DOCK2: variants seen among roughly 807,000 people sequenced by gnomAD.
The protein encoded by DOCK2 is dedicator of cytokinesis 2.
Under a neutral mutation model 248.9 loss-of-function variants are expected in DOCK2, and 87 were observed. The observed-to-expected ratio is 0.35, with a 90% CI of 0.29 to 0.42. The LOEUF (loss-of-function observed/expected upper bound fraction) is 0.42, where lower values mean the gene tolerates loss of function less well. DOCK2 is among the 10% of genes least tolerant of loss of function. The pLI, the probability that DOCK2 is intolerant of heterozygous loss-of-function variation, is 1.00. For missense variants in DOCK2, 1,747 were observed against 2,300.2 expected, an observed-to-expected ratio of 0.76 and a Z score of 4.92; for synonymous variants, 805 against 821.6, an observed-to-expected ratio of 0.98 and a Z score of 0.35.
intron 26 of DOCK2, among the ~76,000 whole-genome samples, chr5:169,833,687 G>A (rs879883463): frequency 2.6e-5 from 4 of 152,140 alleles, no homozygotes; most frequent in Non-Finnish European, 5.9e-5. Flanking sequence ...GAAAGTGTGG[G>A]CAGTGATACC....
chr5:169,820,561 G>C (rs1171240884), intron 26 of DOCK2, among the ~76,000 whole-genome samples: 2 of 139,694 alleles, frequency 1.4e-5, no homozygotes, highest in African/African-American at 6.2e-5. Context: ...TGAGGGTCCT[G>C]ACTGTTAAAA....
At chr5:169,936,815 A>G (rs1293408450) in intron 27 of DOCK2, among the ~76,000 whole-genome samples, 1 of 152,182 alleles carries the variant, frequency 6.6e-6, no homozygotes, top group Non-Finnish European at 1.5e-5. Flanking sequence ...TAAATTAGCT[A>G]AATTGACAAA....
At chr5:169,888,313 G>T (rs1436049606) in intron 27 of DOCK2, among the ~76,000 whole-genome samples, 1 of 152,146 alleles carries the variant, frequency 6.6e-6, no homozygotes, top group Non-Finnish European at 1.5e-5. Flanking sequence ...GGTGGTTAGG[G>T]CTAAATTAAT....
chr5:169,734,679 C>T (rs1461372879), intron 22 of DOCK2, among the ~76,000 whole-genome samples: 2 of 152,182 alleles, frequency 1.3e-5, no homozygotes, highest in Admixed American at 1.3e-4. Flanking sequence ...GATATGTTTG[C>T]GTTTTTCTTC....
At chr5:169,968,383 A>G (rs920261041) in intron 27 of DOCK2, among the ~76,000 whole-genome samples, 2 of 152,152 alleles carry the variant, frequency 1.3e-5, no homozygotes, top group Non-Finnish European at 2.9e-5. Context: ...AGTGCTTTCT[A>G]TGTGTCAGGC....
intron 27 of DOCK2, among the ~76,000 whole-genome samples, chr5:169,853,320 G>A (rs1770711608): frequency 6.6e-6 from 1 of 152,178 alleles, no homozygotes. Flanking sequence ...AATCCTGTTG[G>A]AACAACTGCT....
At position 169,716,078 on chromosome 5, in the gene DOCK2, A is replaced by G. The variant is rs1031252421; in HGVS notation, c.1942-135A>G. 6 of 767,712 alleles carry G rather than the reference A, an allele frequency of 7.8e-6. No homozygotes were observed. In the African/African-American group the frequency reaches 1.0e-4, roughly 13 times the overall value. The allele number at this position is 767,712 out of a possible 1,614,324, so 47.6% of individuals were successfully genotyped here. ...ACTTCTGGCTCTCGTGAGTAAAACT[A>G]CTCTAGACGTTTTGAGCATGACATG... On this transcript the variant is annotated intron_variant, in intron 19 of 51. Coordinates refer to ENST00000520908, the MANE Select transcript of DOCK2 (RefSeq NM_004946.3).
chr5:169,756,354 T>G (rs990403682), intron 23 of DOCK2, among the ~76,000 whole-genome samples: 1 of 152,226 alleles, frequency 6.6e-6, no homozygotes, highest in African/African-American at 2.4e-5. Context: ...GACACTGAAG[T>G]CCTGCCTTTC....
intron 27 of DOCK2, among the ~76,000 whole-genome samples, chr5:169,885,873 C>CA (rs55747999): frequency 0.38 from 58,058 of 151,996 alleles, 11,957 homozygotes; most frequent in Non-Finnish European, 0.46. Flanking sequence ...TTAATCCTTA[C>CA]AAAAAATCCA....
Position 169,698,386 on chromosome 5 carries a change from C to A in DOCK2, c.992C>A (p.Thr331Lys), listed in dbSNP as rs149096712. The A allele has an allele frequency of 6.2e-7, 1 of 1,614,004 alleles. No individual in the cohort carries two copies. Among genetic ancestry groups the A allele is most frequent in the Non-Finnish European group, 8.5e-7 (1 of 1,179,876 alleles). ...GTCTTCTTTCTAGTTATGGATATAA[C>A]AGACATCATCAAGGGGAAAGCAGAG... is the stretch of plus-strand genomic sequence containing the variant. The part of the protein sequence containing the change: ...RPFGVAVMDI[T>K]DIIKGKAESD... The change falls in exon 11 of 52, where the codon ACA (threonine) becomes AAA (lysine). Residue 331 changes from threonine to lysine, a missense_variant. Thr to Lys is a moderately conservative substitution (Grantham distance 78). This residue lies in a region of DOCK2 where 375 missense variants were observed against 510.9 expected (regional missense o/e 0.73). Coordinates refer to ENST00000520908, the MANE Select transcript of DOCK2 (RefSeq NM_004946.3).
At chr5:169,782,743 C>T (rs1174699760) in intron 25 of DOCK2, among the ~76,000 whole-genome samples, 1 of 152,166 alleles carries the variant, frequency 6.6e-6, no homozygotes, top group Admixed American at 6.5e-5. Context: ...GGATTTCATC[C>T]ACTCTGCTGG....
intron 2 of DOCK2, among the ~76,000 whole-genome samples, chr5:169,663,033 A>G (rs999600457): frequency 1.3e-5 from 2 of 152,224 alleles, no homozygotes; most frequent in Admixed American, 6.5e-5. Flanking sequence ...ACAACAAGTC[A>G]GTTACTTCCA....
intron 22 of DOCK2, among the ~76,000 whole-genome samples, chr5:169,719,776 T>G (rs1762094550): frequency 6.6e-6 from 1 of 152,194 alleles, no homozygotes; most frequent in South Asian, 2.1e-4. Flanking sequence ...AAGAACTGTT[T>G]TGGGTCTTGT....
At chr5:169,868,060 T>C (rs1280159466) in intron 27 of DOCK2, among the ~76,000 whole-genome samples, 3 of 152,162 alleles carry the variant, frequency 2.0e-5, no homozygotes, top group Non-Finnish European at 4.4e-5. Flanking sequence ...GAGTACCAGA[T>C]AGAGCCAAAG....
intron 38 of DOCK2, among the ~76,000 whole-genome samples, chr5:170,043,453 C>T (rs1287605316): frequency 6.6e-6 from 1 of 152,224 alleles, no homozygotes; most frequent in Non-Finnish European, 1.5e-5. Context: ...TTACCTGCAG[C>T]CCTCCCTCTC....
intron 6 of DOCK2, among the ~76,000 whole-genome samples, chr5:169,677,869 G>T (rs1759421624): frequency 6.6e-6 from 1 of 152,188 alleles, no homozygotes; most frequent in Admixed American, 6.5e-5. Context: ...GAGGGCAGGG[G>T]TTTCAAAAAG....
chr5:169,772,155 AG>A (rs940080185), intron 25 of DOCK2, among the ~76,000 whole-genome samples: 1 of 152,186 alleles, frequency 6.6e-6, no homozygotes, highest in Non-Finnish European at 1.5e-5. Flanking sequence ...CACAACATGC[AG>A]GTTCTCTGTG....
rs1040168690 is a variant in DOCK2 at position 169,983,148 on chromosome 5, G to A, written c.2880G>A (p.Gln960=). 2 of 1,613,948 alleles carry A rather than the reference G, an allele frequency of 1.2e-6. No homozygotes were observed. Among genetic ancestry groups the A allele is most frequent in the African/African-American group, 1.3e-5 (1 of 74,930 alleles). The change falls in exon 28 of 52, where the codon CAG becomes CAA. Residue 960 remains glutamine, a synonymous_variant. Transcript: ENST00000520908. ...ACTCCTTCTACATTGAGACCTTCCA[G>A]ACCAGCTCTGAACTTGTGGTGAGTC... The part of the protein sequence containing the change: ...QHYSFYIETF[Q]TSSELVDFLM...
chr5:169,990,998 G>T (rs1778192203), intron 29 of DOCK2, among the ~76,000 whole-genome samples: 1 of 152,228 alleles, frequency 6.6e-6, no homozygotes, highest in East Asian at 1.9e-4. Context: ...CCAGGCACTG[G>T]GCCCCTGCTT....
Sources: allele counts gnomAD v4.1 joint callset (sites outside exome capture counted in the v4.1 genomes callset), GRCh38; gene constraint gnomAD v4.1.1; regional missense constraint gnomAD v4.1.1; transcripts MANE v1.5; gene names NCBI Gene and HGNC (gene_info 2026-07-23, HGNC 2026-07-21).